TMEFF2: variants seen among roughly 807,000 people sequenced by gnomAD.
The protein encoded by TMEFF2 is transmembrane protein with EGF like and two follistatin like domains 2.
Under a neutral mutation model 53.8 loss-of-function variants are expected in TMEFF2, and 28 were observed. The ratio of observed to expected loss-of-function variants is 0.52; its 90% CI spans 0.39 to 0.71. TMEFF2 has a LOEUF of 0.71. TMEFF2 is among the 30% of genes least tolerant of loss of function. The probability of loss-of-function intolerance (pLI) is 0.00; values close to 1 mark genes in which losing one functional copy is unlikely to be tolerated. For missense variants in TMEFF2, 353 were observed against 455.2 expected (o/e 0.78, Z 2.04); for synonymous variants, 162 against 166.3 (o/e 0.97, Z 0.20).
chr2:191,968,518 T>C (rs1211514307), intron 7 of TMEFF2, among the ~76,000 whole-genome samples: 1 of 152,188 alleles, frequency 6.6e-6, no homozygotes, highest in East Asian at 1.9e-4. Flanking sequence ...TTGCAGGCCT[T>C]ACGGACATAG....
At chr2:192,052,538 T>C (rs1008905996) in intron 5 of TMEFF2, among the ~76,000 whole-genome samples, 2 of 152,168 alleles carry the variant, frequency 1.3e-5, no homozygotes, top group African/African-American at 4.8e-5. Context: ...AAATCAGAAA[T>C]ATTTGCTGAA....
intron 4 of TMEFF2, among the ~76,000 whole-genome samples, chr2:192,158,785 A>G (rs767228942): frequency 1.3e-5 from 2 of 152,166 alleles, no homozygotes; most frequent in Non-Finnish European, 2.9e-5. Flanking sequence ...ATAATTGTGC[A>G]TCGTATGCTT....
intron 4 of TMEFF2, among the ~76,000 whole-genome samples, chr2:192,148,941 C>A (rs1690319616): frequency 6.6e-6 from 1 of 151,916 alleles, no homozygotes; most frequent in African/African-American, 2.4e-5. Context: ...TTTAGACTAT[C>A]TTCTGTGTCC....
At chr2:192,016,737 C>A (rs1686753579) in intron 5 of TMEFF2, among the ~76,000 whole-genome samples, 1 of 152,144 alleles carries the variant, frequency 6.6e-6, no homozygotes, top group African/African-American at 2.4e-5. Flanking sequence ...TTGAGCATTA[C>A]CAAATATTAC....
intron 4 of TMEFF2, among the ~76,000 whole-genome samples, chr2:192,085,040 T>G (rs771367562): frequency 1.1e-4 from 16 of 152,180 alleles, no homozygotes; most frequent in Non-Finnish European, 1.5e-5. Flanking sequence ...AGGTTTAGCT[T>G]CTTTTCTCGT....
At chr2:192,074,942 T>C (rs890911118) in intron 4 of TMEFF2, among the ~76,000 whole-genome samples, 2 of 151,884 alleles carry the variant, frequency 1.3e-5, no homozygotes, top group African/African-American at 4.8e-5. Flanking sequence ...GGTGTGTCTA[T>C]GTGTGTTATT....
intron 4 of TMEFF2, among the ~76,000 whole-genome samples, chr2:192,106,533 T>G (rs1447872460): frequency 6.6e-6 from 1 of 151,812 alleles, no homozygotes; most frequent in Non-Finnish European, 1.5e-5. Context: ...TTTCAAAAGA[T>G]GTCCGTGATT....
chr2:192,050,173 TAATA>T (rs1471825642), intron 5 of TMEFF2, among the ~76,000 whole-genome samples: 14 of 152,366 alleles, frequency 9.2e-5, no homozygotes, highest in Middle Eastern at 3.4e-3. Context: ...CTGCATGGCC[TAATA>T]AATATTGTAA....
intron 7 of TMEFF2, among the ~76,000 whole-genome samples, chr2:191,979,254 G>A (rs908825364): frequency 1.3e-5 from 2 of 152,168 alleles, no homozygotes; most frequent in African/African-American, 2.4e-5. Flanking sequence ...GAGACCTCAC[G>A]AAGCCTTTGG....
intron 7 of TMEFF2, among the ~76,000 whole-genome samples, chr2:191,985,728 CA>C (rs1685960423): frequency 6.6e-6 from 1 of 152,132 alleles, no homozygotes; most frequent in East Asian, 1.9e-4. Context: ...ATTATTGTGG[CA>C]AAGTCTTGCT....
chr2:192,016,049 A>G (rs1336312562), intron 5 of TMEFF2, among the ~76,000 whole-genome samples: 4 of 152,198 alleles, frequency 2.6e-5, no homozygotes, highest in African/African-American at 9.6e-5. Context: ...GTCACACAGA[A>G]AGGTACTCAC....
In TMEFF2 at chr2:192,085,079, A is replaced by G. The variant is rs537284788; in HGVS notation, c.440-27304T>C. ...CTTCACAGAAATGAAATCTGTATTC[A>G]GGATGTAACGCTTCTTCTGAAGTGC... On this transcript the variant is annotated intron_variant, in intron 4 of 9. Coordinates refer to ENST00000272771, the MANE Select transcript of TMEFF2 (RefSeq NM_016192.4). Among the ~76,000 whole-genome samples, 6 of 152,338 alleles carry G rather than the reference A, an allele frequency of 3.9e-5. No individual in the cohort carries two copies. The East Asian group carries it at 7.7e-4, about 20-fold the overall frequency.
chr2:192,056,027 C>A (rs1687900641), intron 5 of TMEFF2, among the ~76,000 whole-genome samples: 2 of 152,052 alleles, frequency 1.3e-5, no homozygotes, highest in Non-Finnish European at 2.9e-5. Flanking sequence ...CCCTAAGAAC[C>A]ACCATTTGCT....
chr2:192,193,736 T>TGA (rs201001713), intron 1 of TMEFF2, among the ~76,000 whole-genome samples: 5 of 119,314 alleles, frequency 4.2e-5, no homozygotes, highest in Admixed American at 1.8e-4. Flanking sequence ...GAGAAGGGAA[T>TGA]GAGAGAGAGA....
chr2:192,183,386 G>T (rs1233723407), intron 3 of TMEFF2, among the ~76,000 whole-genome samples: 1 of 151,896 alleles, frequency 6.6e-6, no homozygotes, highest in Non-Finnish European at 1.5e-5. Flanking sequence ...TCATACACTA[G>T]ATTAGAAATA....
intron 5 of TMEFF2, among the ~76,000 whole-genome samples, chr2:192,007,335 G>A (rs1162701390): frequency 6.6e-6 from 1 of 152,162 alleles, no homozygotes; most frequent in Admixed American, 6.5e-5. Context: ...GGCAGAAAAG[G>A]GGGTGAAATT....
intron 4 of TMEFF2, among the ~76,000 whole-genome samples, chr2:192,123,324 T>C (rs139389079): frequency 1.1e-3 from 167 of 152,312 alleles, no homozygotes; most frequent in African/African-American, 3.7e-3. Context: ...CTTGTTTTGA[T>C]AAATAAGTTT....
intron 7 of TMEFF2, among the ~76,000 whole-genome samples, chr2:191,994,029 T>C (rs1686166485): frequency 6.6e-6 from 1 of 152,048 alleles, no homozygotes; most frequent in Non-Finnish European, 1.5e-5. Context: ...TTGTTCACCT[T>C]TGTAAAACCC....
chr2:191,956,580 C>T (rs575102402), intron 7 of TMEFF2, among the ~76,000 whole-genome samples: 2 of 152,266 alleles, frequency 1.3e-5, no homozygotes, highest in African/African-American at 4.8e-5. Context: ...CAAAATTACC[C>T]AGTGCTTTTT....
Sources: gnomAD v4.1 joint callset for allele counts (sites outside exome capture counted in the v4.1 genomes callset) on GRCh38, gnomAD v4.1.1 for gene constraint, MANE v1.5 for transcripts, NCBI Gene and HGNC (gene_info 2026-07-23, HGNC 2026-07-21) for gene names.